Variants in ROBO1 observed in about 807,000 individuals in gnomAD.
The protein encoded by ROBO1 is roundabout homolog 1.
A neutral mutation model predicts 195.9 loss-of-function variants in ROBO1; 149 were observed. The observed-to-expected ratio is 0.76, with a 90% CI of 0.67 to 0.87. The LOEUF is 0.87. Among genes scored for constraint, ROBO1 ranks in the 40% least tolerant of loss-of-function variants. The probability of loss-of-function intolerance (pLI) is 0.00; values close to 1 mark genes in which losing one functional copy is unlikely to be tolerated. For synonymous variants in ROBO1, 816 were observed against 733.2 expected (o/e 1.11, Z -1.82); for missense variants, 1,933 against 2,068.3 (o/e 0.93, Z 1.27).
chr3:78,839,367 T>G (rs2033005161), intron 4 of ROBO1, among the ~76,000 whole-genome samples: 1 of 152,088 alleles, frequency 6.6e-6, no homozygotes. Flanking sequence ...ATAGGTGGCC[T>G]TCCCTAGTCC....
At chr3:79,000,240 T>C (rs1045624061) in intron 3 of ROBO1, among the ~76,000 whole-genome samples, 3 of 152,110 alleles carry the variant, frequency 2.0e-5, no homozygotes, top group South Asian at 4.1e-4. Context: ...AAAAGCCCCT[T>C]AGAAAACCAT....
intron 3 of ROBO1, among the ~76,000 whole-genome samples, chr3:78,990,492 T>C (rs940905822): frequency 1.3e-5 from 2 of 152,160 alleles, no homozygotes; most frequent in Admixed American, 1.3e-4. Flanking sequence ...TTATAACTAA[T>C]AACAAAGCAA....
At position 79,574,496 on chromosome 3, in the gene ROBO1, C is replaced by G. The variant is rs192709859; in HGVS notation, c.88+15328G>C. ...ATCAAAACATACTATAAATTAATAG[C>G]CTAACATAACTAATATCATCATAAA... On this transcript the variant is annotated intron_variant, in intron 2 of 30. Transcript: ENST00000464233. 9.2e-3 allele frequency among the ~76,000 whole-genome samples: 1,397 copies of G among 151,882 alleles called. 10 individuals are homozygous for G. The highest frequency in any genetic ancestry group is 0.016 in the Non-Finnish European group (1,076 of 67,840).
chr3:79,537,599 G>T (rs1211623241), intron 2 of ROBO1, among the ~76,000 whole-genome samples: 1 of 152,094 alleles, frequency 6.6e-6, no homozygotes, highest in Non-Finnish European at 1.5e-5. Flanking sequence ...TGTACATCAA[G>T]CTCGTCCAAT....
In ROBO1 at chr3:78,627,967, T is replaced by TC. The variant is rs1370322749; in HGVS notation, c.3627-399_3627-398insG. Reference sequence around the variant, plus strand: ...AGAAAAATTACTCTTTTTTTTTTTTTTTTGAGATGGAGTTTCGCTCTTGTT... The same window carrying TC: ...AGAAAAATTACTCTTTTTTTTTTTTTCTTTGAGATGGAGTTTCGCTCTTGTT... On this transcript the variant is annotated intron_variant, in intron 25 of 30. Transcript: ENST00000464233. 2.0e-5 allele frequency among the ~76,000 whole-genome samples: 3 copies of TC among 151,966 alleles called. No homozygotes were observed. In the East Asian group the frequency reaches 5.8e-4, roughly 30 times the overall value.
chr3:79,034,081 A>T (rs2108311111), intron 3 of ROBO1, among the ~76,000 whole-genome samples: 1 of 152,326 alleles, frequency 6.6e-6, no homozygotes, highest in Admixed American at 6.5e-5. Context: ...AAACTCTCCA[A>T]GAATGTATTT....
chr3:79,661,323 C>A lies in ROBO1; in HGVS notation c.-50-71362G>T, dbSNP rs546771332. 2.0e-5 allele frequency among the ~76,000 whole-genome samples: 3 copies of A among 152,154 alleles called. No homozygotes were observed. In the East Asian group the frequency reaches 5.8e-4, roughly 30 times the overall value. On this transcript the variant is annotated intron_variant, in intron 1 of 30. Coordinates refer to ENST00000464233, the MANE Select transcript of ROBO1 (RefSeq NM_002941.4). Reference sequence around the variant, plus strand: ...ATTTCCCCAGGTGTTCAAAAATACACCTTAATAAGCAACTTGCATGCCTAT... The same window carrying A: ...ATTTCCCCAGGTGTTCAAAAATACAACTTAATAAGCAACTTGCATGCCTAT...
chr3:79,020,955 C>T lies in ROBO1; in HGVS notation c.173-82028G>A, dbSNP rs147653878. Among the ~76,000 whole-genome samples the T allele has an allele frequency of 2.2e-3, 335 of 152,094 alleles. 3 individuals are homozygous for T. The highest frequency in any genetic ancestry group is 7.5e-3 in the African/African-American group (310 of 41,490). ...TTTTCCATGTCTTTTCAGGTGAGCACATTCATTACCTAATGGAAGATAAAA... is the reference window on the plus strand; with the variant it reads ...TTTTCCATGTCTTTTCAGGTGAGCATATTCATTACCTAATGGAAGATAAAA... On this transcript the variant is annotated intron_variant, in intron 3 of 30. Transcript: ENST00000464233.
chr3:78,611,845 G>A lies in ROBO1; in HGVS notation c.4435+2803C>T, dbSNP rs1023353331. On this transcript the variant is annotated intron_variant, in intron 28 of 30. Coordinates refer to ENST00000464233, the MANE Select transcript of ROBO1 (RefSeq NM_002941.4). Reference sequence around the variant, plus strand: ...AGGACACACACATACACTGGGGGAAGATCAGGTGAAGCACAGGGAGAAGAT... The same window carrying A: ...AGGACACACACATACACTGGGGGAAAATCAGGTGAAGCACAGGGAGAAGAT... 4.6e-5 allele frequency among the ~76,000 whole-genome samples: 7 copies of A among 152,326 alleles called. No individual in the cohort carries two copies. The East Asian group carries it at 1.3e-3, about 29-fold the overall frequency.
chr3:79,020,672 C>A (rs1257672597), intron 3 of ROBO1, among the ~76,000 whole-genome samples: 1 of 152,042 alleles, frequency 6.6e-6, no homozygotes, highest in African/African-American at 2.4e-5. Context: ...CCAGCCTGGG[C>A]GACAGAGCGA....
chr3:78,754,422 T>C (rs2082875561), intron 4 of ROBO1, among the ~76,000 whole-genome samples: 1 of 152,234 alleles, frequency 6.6e-6, no homozygotes, highest in South Asian at 2.1e-4. Flanking sequence ...TTCTTTCTTT[T>C]GTAAAATCCA....
In ROBO1 at chr3:78,699,949, C is replaced by T. The variant is rs1015523270; in HGVS notation, c.1046-11177G>A. Among the ~76,000 whole-genome samples, 6 of 152,112 alleles carry T rather than the reference C, an allele frequency of 3.9e-5. 1 individual carries two copies. Among genetic ancestry groups the T allele is most frequent in the Non-Finnish European group, 7.3e-5 (5 of 68,030 alleles). On this transcript the variant is annotated intron_variant, in intron 8 of 30. Transcript: ENST00000464233. ...AAGTGAACTAAATCATATCAGAATG[C>T]TACCTATTTTCATAGCAATCTTAAC... is the stretch of plus-strand genomic sequence containing the variant.
chr3:79,496,116 G>A (rs919388704), intron 2 of ROBO1, among the ~76,000 whole-genome samples: 1 of 149,544 alleles, frequency 6.7e-6, no homozygotes, highest in African/African-American at 2.5e-5. Context: ...GGGAGGATGA[G>A]GAGTGAGAAT....
intron 2 of ROBO1, among the ~76,000 whole-genome samples, chr3:79,327,368 T>A (rs937757641): frequency 5.9e-5 from 9 of 152,090 alleles, no homozygotes; most frequent in African/African-American, 2.2e-4. Flanking sequence ...AATATAAATT[T>A]ATTTCCATTA....
intron 1 of ROBO1, among the ~76,000 whole-genome samples, chr3:79,600,051 T>A (rs1336766592): frequency 6.6e-6 from 1 of 151,952 alleles, no homozygotes; most frequent in Non-Finnish European, 1.5e-5. Flanking sequence ...ACAAAAGCAA[T>A]TTTCAAAATG....
chr3:79,030,483 A>G (rs1163273655), intron 3 of ROBO1, among the ~76,000 whole-genome samples: 1 of 152,206 alleles, frequency 6.6e-6, no homozygotes, highest in African/African-American at 2.4e-5. Flanking sequence ...TAAGGATTAT[A>G]TAAGATGGTG....
chr3:79,225,805 G>A (rs2082217445), intron 2 of ROBO1, among the ~76,000 whole-genome samples: 2 of 152,028 alleles, frequency 1.3e-5, no homozygotes, highest in African/African-American at 2.4e-5. Flanking sequence ...CCTCTCAGTT[G>A]CTACCCTTTA....
At chr3:78,629,287 C>T (rs939359632) in intron 25 of ROBO1, among the ~76,000 whole-genome samples, 1 of 146,390 alleles carries the variant, frequency 6.8e-6, no homozygotes, top group African/African-American at 2.5e-5. Flanking sequence ...ACAGTTGCAG[C>T]TCCTATATTG....
chr3:79,395,728 ATG>A (rs2037131676), intron 2 of ROBO1, among the ~76,000 whole-genome samples: 1 of 152,098 alleles, frequency 6.6e-6, no homozygotes, highest in Non-Finnish European at 1.5e-5. Flanking sequence ...TCATGACAGT[ATG>A]TGTTTCCTAA....
Sources: allele counts gnomAD v4.1 joint callset (sites outside exome capture counted in the v4.1 genomes callset), GRCh38; gene constraint gnomAD v4.1.1; transcripts MANE v1.5; gene names NCBI Gene and HGNC (gene_info 2026-07-23, HGNC 2026-07-21).